NFATC3: variants seen among roughly 807,000 people sequenced by gnomAD.
The protein encoded by NFATC3 is nuclear factor of activated T cells 3.
In NFATC3, 46 loss-of-function variants were observed where a neutral mutation model predicts 98.6. The ratio of observed to expected loss-of-function variants is 0.47; its 90% CI spans 0.37 to 0.60. The LOEUF (loss-of-function observed/expected upper bound fraction) is 0.60, where lower values mean the gene tolerates loss of function less well. Among genes scored for constraint, NFATC3 ranks in the 20% least tolerant of loss-of-function variants. The probability of loss-of-function intolerance (pLI) is 0.00; values close to 1 mark genes in which losing one functional copy is unlikely to be tolerated. For synonymous variants in NFATC3, 512 were observed against 472.2 expected, an observed-to-expected ratio of 1.08 and a Z score of -1.09; for missense variants, 1,256 against 1,295.5, an observed-to-expected ratio of 0.97 and a Z score of 0.47.
chr16:68,219,791 A>G (rs1276043503), intron 9 of NFATC3, among the ~76,000 whole-genome samples: 1 of 152,164 alleles, frequency 6.6e-6, no homozygotes, highest in African/African-American at 2.4e-5. Context: ...GATTTTGTGT[A>G]TATGGCAGTG....
At chr16:68,141,758 G>A (rs1278175169) in intron 3 of NFATC3, among the ~76,000 whole-genome samples, 1 of 152,052 alleles carries the variant, frequency 6.6e-6, no homozygotes, top group East Asian at 1.9e-4. Flanking sequence ...CATTCTGTGG[G>A]TTGTCTGTTT....
chr16:68,154,590 A>G (rs2038511614), intron 3 of NFATC3, among the ~76,000 whole-genome samples: 1 of 152,196 alleles, frequency 6.6e-6, no homozygotes, highest in Non-Finnish European at 1.5e-5. Flanking sequence ...GGAGACTCAG[A>G]TATTATATTT....
chr16:68,215,722 C>CTTTTTTTTTTTTTTT (rs35024337), intron 9 of NFATC3, among the ~76,000 whole-genome samples: 1 of 96,038 alleles, frequency 1.0e-5, no homozygotes, highest in Non-Finnish European at 2.0e-5. Flanking sequence ...GAGATTTGCA[C>CTTTTTTTTTTTTTTT]TTTTTTTTTT....
intron 6 of NFATC3, among the ~76,000 whole-genome samples, chr16:68,177,766 C>G (rs2039781331): frequency 1.3e-5 from 2 of 151,982 alleles, no homozygotes; most frequent in Admixed American, 6.6e-5. Context: ...TCTTCTCATC[C>G]TAAATATTCC....
chr16:68,148,152 GA>G (rs2038133324), intron 3 of NFATC3, among the ~76,000 whole-genome samples: 1 of 152,006 alleles, frequency 6.6e-6, no homozygotes, highest in Non-Finnish European at 1.5e-5. Context: ...GAGTAGCTGG[GA>G]TTAGAGGCAT....
intron 9 of NFATC3, among the ~76,000 whole-genome samples, chr16:68,215,261 G>A (rs1598617600): frequency 6.6e-6 from 1 of 152,124 alleles, no homozygotes; most frequent in South Asian, 2.1e-4. Flanking sequence ...GCCTACCCTG[G>A]TCTCACATCA....
rs1555522048 is a variant in NFATC3 at position 68,192,230 on chromosome 16, A to AATATAT, written c.3106+474_3106+479dup. The AATATAT allele has an allele frequency of 4.9e-3, 405 of 82,576 alleles. 19 individuals are homozygous for AATATAT. The highest frequency in any genetic ancestry group is 0.011 in the African/African-American group (185 of 17,446). 5.1% of individuals were successfully genotyped at this position (82,576 alleles called of 1,614,324 possible). A position where few individuals can be genotyped will look rare whatever the true frequency, so the allele number is the denominator to read the frequency against. Reference sequence around the variant, plus strand: ...CTCGGGAAAAAAAAAAAAAAAAAAAAATATATATATATATATATATATATG... The same window carrying AATATAT: ...CTCGGGAAAAAAAAAAAAAAAAAAAAATATATATATATATATATATATATATATATG... On this transcript the variant is annotated intron_variant, in intron 9 of 9. Coordinates refer to ENST00000346183, the MANE Select transcript of NFATC3 (RefSeq NM_173165.3).
intron 9 of NFATC3, chr16:68,192,273 GTA>G (rs1415244577): frequency 1.9e-5 from 2 of 107,932 alleles, no homozygotes; most frequent in Admixed American, 1.0e-4. Context: ...ATATATATAT[GTA>G]TGTGTATATA....
chr16:68,215,022 C>T (rs2041579319), intron 9 of NFATC3, among the ~76,000 whole-genome samples: 1 of 152,030 alleles, frequency 6.6e-6, no homozygotes, highest in Non-Finnish European at 1.5e-5. Context: ...CATGTTGGCT[C>T]CTTTCTTCAA....
chr16:68,127,687 C>CA (rs201633690), intron 3 of NFATC3, among the ~76,000 whole-genome samples: 19,284 of 85,352 alleles, frequency 0.23, 1,338 homozygotes, highest in Middle Eastern at 0.28. Context: ...GACCCTGTCT[C>CA]AAAAAAAAAA....
intron 1 of NFATC3, chr16:68,086,767 C>G: frequency 1.0e-6 from 1 of 985,312 alleles, no homozygotes; most frequent in Non-Finnish European, 1.2e-6. Flanking sequence ...AAAAAACATA[C>G]CTGAACGTGA....
Position 68,191,565 on chromosome 16 carries a change from G to A in NFATC3, c.2896G>A (p.Ala966Thr). Residue 966 changes from alanine (A) to threonine (T), a missense_variant, in exon 9 of 10, where the codon GCC (alanine) becomes ACC (threonine). Around this residue, in one of 3 missense-constraint regions of NFATC3, gnomAD observed 636 missense variants for 617.3 expected, o/e 1.03. Transcript: ENST00000346183. ...SSGTASSPSP[A>T]TRMHSGQHST... is the part of the protein sequence containing the mutation. ...AGGAACTGCCTCATCACCGTCTCCAGCCACCAGAATGCATTCTGGACAGCA... is the reference window on the plus strand; with the variant it reads ...AGGAACTGCCTCATCACCGTCTCCAACCACCAGAATGCATTCTGGACAGCA... The A allele has an allele frequency of 6.2e-7, 1 of 1,614,100 alleles. No homozygotes were observed.
intron 1 of NFATC3, among the ~76,000 whole-genome samples, chr16:68,112,650 T>TTC (rs2036031476): frequency 7.7e-6 from 1 of 130,500 alleles, no homozygotes; most frequent in Non-Finnish European, 1.7e-5. Flanking sequence ...TTTTTCGTTT[T>TTC]TTTTTTTTTT....
chr16:68,142,304 T>G (rs2037795195), intron 3 of NFATC3, among the ~76,000 whole-genome samples: 1 of 152,238 alleles, frequency 6.6e-6, no homozygotes, highest in Non-Finnish European at 1.5e-5. Flanking sequence ...CTTGTGTAAG[T>G]ACACTTCTAG....
rs2040417135 is a variant in NFATC3, at chr16:68,191,686, A to C, written c.3017A>C (p.Asp1006Ala). ...SLCDPASFPPDGATVSIKPEP... is the reference protein window; with the variant it reads ...SLCDPASFPPAGATVSIKPEP... ...TGTGATCCAGCGTCATTTCCACCTG[A>C]TGGGGCAACTGTGAGCATTAAACCT... The change falls in exon 9 of 10, where the codon GAT becomes GCT. Residue 1006 changes from aspartate (D) to alanine (A), a missense_variant. By Grantham distance (126) the Asp-to-Ala change is moderately radical (BLOSUM62 -2). Transcript: ENST00000346183. 9.9e-6 allele frequency: 16 copies of C among 1,614,108 alleles called. No homozygotes were observed. Among genetic ancestry groups the C allele is most frequent in the Non-Finnish European group, 1.4e-5 (16 of 1,180,026 alleles).
At chr16:68,143,168 G>A in intron 3 of NFATC3, among the ~76,000 whole-genome samples, 1 of 144,884 alleles carries the variant, frequency 6.9e-6, no homozygotes, top group African/African-American at 2.6e-5. Context: ...TGAGGCTGCA[G>A]TGAGTTATGC....
At chr16:68,170,559 C>G (rs1206199184) in intron 5 of NFATC3, among the ~76,000 whole-genome samples, 1 of 145,954 alleles carries the variant, frequency 6.9e-6, no homozygotes, top group Non-Finnish European at 1.5e-5. Flanking sequence ...GTGGCGCAAT[C>G]TCGGCTGACT....
Position 68,122,480 on chromosome 16 carries a change from T to C in NFATC3, c.597T>C (p.Ala199=), listed in dbSNP as rs768095021. The change falls in exon 2 of 10, where the codon GCT becomes GCC. Residue 199 remains alanine, a synonymous_variant. Coordinates refer to ENST00000346183, the MANE Select transcript of NFATC3 (RefSeq NM_173165.3). ...YDDVDSELNE[A]AARFTLGSPL... is the part of the protein sequence containing the mutation. ...ATGTGGACTCAGAGTTGAATGAAGCTGCAGCCCGATTTACCCTTGGATCCC... is the reference window on the plus strand; with the variant it reads ...ATGTGGACTCAGAGTTGAATGAAGCCGCAGCCCGATTTACCCTTGGATCCC... The C allele has an allele frequency of 5.1e-5, 82 of 1,614,040 alleles. No homozygotes were observed. Among genetic ancestry groups the C allele is most frequent in the Non-Finnish European group, 6.4e-5 (76 of 1,180,036 alleles).
intron 5 of NFATC3, among the ~76,000 whole-genome samples, chr16:68,172,112 C>T (rs915532663): frequency 2.0e-5 from 3 of 152,074 alleles, no homozygotes; most frequent in Non-Finnish European, 4.4e-5. Flanking sequence ...GGATTACAGG[C>T]GTGAGCCACC....
Sources: allele counts gnomAD v4.1 joint callset (sites outside exome capture counted in the v4.1 genomes callset), GRCh38; gene constraint gnomAD v4.1.1; regional missense constraint gnomAD v4.1.1; transcripts MANE v1.5; gene names NCBI Gene and HGNC (gene_info 2026-07-23, HGNC 2026-07-21).